Variants in CENPW observed in about 807,000 individuals in gnomAD.
The protein encoded by CENPW is cancer-up-regulated gene 2 protein.
CENPW carries 3 observed loss-of-function variants against 11.1 expected under a neutral mutation model. The ratio of observed to expected loss-of-function variants is 0.27; its 90% CI spans 0.12 to 0.70. The LOEUF (loss-of-function observed/expected upper bound fraction) is 0.70, where lower values mean the gene tolerates loss of function less well. Ranked by LOEUF, CENPW falls within the 30% of genes least tolerant of loss-of-function variation. CENPW has a pLI of 0.77. For missense variants in CENPW, 100 were observed against 105.6 expected (o/e 0.95, Z 0.23); for synonymous variants, 38 against 42.0 (o/e 0.91, Z 0.37).
At chr6:126,363,012 A>G in the CENPW span, among the ~76,000 whole-genome samples, 1 of 152,242 alleles carries the variant, frequency 6.6e-6, no homozygotes, top group Non-Finnish European at 1.5e-5. Context: ...ATACTTCAAA[A>G]TAAAAATTTC....
intron 1 of CENPW, 45 bp from the exon 2 acceptor site, chr6:126,346,160 T>G: frequency 1.0e-6 from 1 of 990,036 alleles, no homozygotes; most frequent in Non-Finnish European, 1.6e-6. Flanking sequence ...TTTCAATGCA[T>G]CAGTATTTGA....
the CENPW span, among the ~76,000 whole-genome samples, chr6:126,419,157 A>G: frequency 2.6e-5 from 4 of 152,166 alleles, no homozygotes; most frequent in Non-Finnish European, 5.9e-5. Flanking sequence ...AATTACAAAT[A>G]TCGAGGTAGA....
the CENPW span, among the ~76,000 whole-genome samples, chr6:126,474,073 TA>T: frequency 6.7e-6 from 1 of 149,922 alleles, no homozygotes; most frequent in Non-Finnish European, 1.5e-5. Flanking sequence ...GAGAGTAGAA[TA>T]TATTTCATAT....
At chr6:126,411,734 G>C in the CENPW span, among the ~76,000 whole-genome samples, 1 of 152,160 alleles carries the variant, frequency 6.6e-6, no homozygotes, top group Non-Finnish European at 1.5e-5. Context: ...TTGGGCCAAA[G>C]AAGCTTCAAT....
At chr6:126,418,568 T>C in the CENPW span, among the ~76,000 whole-genome samples, 9 of 152,148 alleles carry the variant, frequency 5.9e-5, no homozygotes, top group Non-Finnish European at 1.2e-4. Flanking sequence ...GGTGGATACA[T>C]GTCATTGTAC....
chr6:126,386,031 A>C, the CENPW span, among the ~76,000 whole-genome samples: 1 of 152,124 alleles, frequency 6.6e-6, no homozygotes, highest in African/African-American at 2.4e-5. Context: ...GTATAAATGT[A>C]TTCTTTTGAA....
chr6:126,475,323 G>A, the CENPW span, among the ~76,000 whole-genome samples: 2 of 151,956 alleles, frequency 1.3e-5, no homozygotes, highest in African/African-American at 4.8e-5. Context: ...TGTTTGAGGG[G>A]ATGAATACCC....
the CENPW span, among the ~76,000 whole-genome samples, chr6:126,449,968 A>G: frequency 6.6e-6 from 1 of 151,076 alleles, no homozygotes; most frequent in South Asian, 2.1e-4. Context: ...TCCCAAGCAC[A>G]TTGTATTTGA....
chr6:126,439,691 A>G, the CENPW span, among the ~76,000 whole-genome samples: 1 of 151,728 alleles, frequency 6.6e-6, no homozygotes. Flanking sequence ...TATCAAAGCT[A>G]AAAAACTTTG....
the CENPW span, among the ~76,000 whole-genome samples, chr6:126,397,365 G>A: frequency 2.0e-5 from 3 of 152,104 alleles, no homozygotes; most frequent in Non-Finnish European, 2.9e-5. Flanking sequence ...TGGCTCACAG[G>A]ACTCTGTGTT....
chr6:126,419,227 G>A, the CENPW span, among the ~76,000 whole-genome samples: 1 of 152,140 alleles, frequency 6.6e-6, no homozygotes, highest in Non-Finnish European at 1.5e-5. Flanking sequence ...TTTAGTGCAG[G>A]AGAGTCTAAG....
the CENPW span, among the ~76,000 whole-genome samples, chr6:126,465,882 T>C: frequency 6.6e-6 from 1 of 152,088 alleles, no homozygotes; most frequent in Non-Finnish European, 1.5e-5. Context: ...ATCTAGATCA[T>C]GTGGGGATAT....
At chr6:126,341,355 A>G (rs1448567784) in intron 1 of CENPW, among the ~76,000 whole-genome samples, 2 of 152,206 alleles carry the variant, frequency 1.3e-5, no homozygotes, top group South Asian at 2.1e-4. Context: ...AGCATACTGC[A>G]TGAATCATCC....
At chr6:126,355,888 G>A in the CENPW span, among the ~76,000 whole-genome samples, 11 of 152,202 alleles carry the variant, frequency 7.2e-5, no homozygotes, top group South Asian at 2.3e-3. Flanking sequence ...CAAAATAAGA[G>A]CTGGATTTTC....
chr6:126,460,756 A>C, the CENPW span, among the ~76,000 whole-genome samples: 1 of 151,820 alleles, frequency 6.6e-6, no homozygotes, highest in African/African-American at 2.4e-5. Context: ...ATTTGTCACC[A>C]AGACAGTGAC....
At position 126,346,898 on chromosome 6, in the gene CENPW, A is replaced by G. The variant is rs183936845; in HGVS notation, c.240+580A>G. 7.4e-4 allele frequency among the ~76,000 whole-genome samples: 112 copies of G among 152,282 alleles called. 1 individual carries two copies. Among genetic ancestry groups the G allele is most frequent in the South Asian group, 2.1e-4 (1 of 4,822 alleles). ...TTTTGGCAGAGGTTGCAGTGTGCCA[A>G]GATCGCACCATTGCACTCTAGCCTG... is the stretch of plus-strand genomic sequence containing the variant. On this transcript the variant is annotated intron_variant, in intron 2 of 2. Transcript: ENST00000368328.
At chr6:126,477,484 T>A in the CENPW span, among the ~76,000 whole-genome samples, 1 of 151,912 alleles carries the variant, frequency 6.6e-6, no homozygotes, top group Non-Finnish European at 1.5e-5. Flanking sequence ...AACCAACCAT[T>A]TTTAAGAGAT....
chr6:126,447,951 T>A, the CENPW span, among the ~76,000 whole-genome samples: 1 of 151,362 alleles, frequency 6.6e-6, no homozygotes, highest in Admixed American at 6.6e-5. Context: ...TTTGCTTTCA[T>A]GAATATGTAT....
the CENPW span, among the ~76,000 whole-genome samples, chr6:126,375,252 G>T: frequency 2.0e-5 from 3 of 152,334 alleles, no homozygotes; most frequent in South Asian, 4.1e-4. Flanking sequence ...GCTGTAGCAT[G>T]CTGAAGAAGA....
Sources: gnomAD v4.1 joint callset for allele counts (sites outside exome capture counted in the v4.1 genomes callset) on GRCh38, gnomAD v4.1.1 for gene constraint, MANE v1.5 for transcripts, NCBI Gene and HGNC (gene_info 2026-07-23, HGNC 2026-07-21) for gene names.